Variants in FHOD3 observed in about 807,000 individuals in gnomAD.
FHOD3 encodes the protein FH1/FH2 domain-containing protein 3.
In FHOD3, 90 loss-of-function variants were observed where a neutral mutation model predicts 173.0. That is an observed-to-expected ratio of 0.52 (90% confidence interval 0.44 to 0.62). The LOEUF (loss-of-function observed/expected upper bound fraction) is 0.62, where lower values mean the gene tolerates loss of function less well. FHOD3 is among the 20% of genes least tolerant of loss of function. The pLI is 0.00. For synonymous variants in FHOD3, 828 were observed against 823.0 expected (o/e 1.01, Z -0.10); for missense variants, 1,945 against 2,034.7 (o/e 0.96, Z 0.85).
chr18:36,779,327 C>T, intron 28 of FHOD3, 121 bp from the exon 29 acceptor site: 1 of 841,074 alleles, frequency 1.2e-6, no homozygotes, highest in Admixed American at 2.0e-5. Context: ...TGTGAACCCT[C>T]TGGCTTCTCT....
At chr18:36,352,055 T>G (rs2046153279) in intron 1 of FHOD3, among the ~76,000 whole-genome samples, 1 of 152,166 alleles carries the variant, frequency 6.6e-6, no homozygotes, top group Non-Finnish European at 1.5e-5. Context: ...CTGGGTGACC[T>G]GCAAGACTGA....
chr18:36,361,194 C>T (rs1353249036), intron 2 of FHOD3, among the ~76,000 whole-genome samples: 2 of 152,020 alleles, frequency 1.3e-5, no homozygotes, highest in East Asian at 3.9e-4. Context: ...AAAGTGGAGG[C>T]CATCAAGTTC....
chr18:36,479,852 C>T (rs567750805), intron 3 of FHOD3, among the ~76,000 whole-genome samples: 12 of 152,222 alleles, frequency 7.9e-5, no homozygotes, highest in Non-Finnish European at 1.2e-4. Flanking sequence ...TGCCCTGCCA[C>T]GCATTTTCCC....
chr18:36,502,274 G>A (rs1015427649), intron 4 of FHOD3, among the ~76,000 whole-genome samples: 7 of 138,012 alleles, frequency 5.1e-5, no homozygotes, highest in African/African-American at 1.8e-4. Flanking sequence ...TATACTTTAA[G>A]TTCTGGGACA....
At chr18:36,335,356 G>A (rs1348345594) in intron 1 of FHOD3, among the ~76,000 whole-genome samples, 23 of 151,706 alleles carry the variant, frequency 1.5e-4, no homozygotes, top group Non-Finnish European at 2.7e-4. Flanking sequence ...TTAGCCGGGC[G>A]TGGTAGCGGG....
chr18:36,493,213 C>CTTTTTTT (rs60189688), intron 3 of FHOD3, among the ~76,000 whole-genome samples: 7 of 138,152 alleles, frequency 5.1e-5, no homozygotes, highest in Non-Finnish European at 7.8e-5. Context: ...TTTTCTTTTT[C>CTTTTTTT]TTTTTTTTTT....
chr18:36,679,725 A>G (rs1254504580), intron 14 of FHOD3, among the ~76,000 whole-genome samples: 1 of 151,900 alleles, frequency 6.6e-6, no homozygotes, highest in Admixed American at 6.6e-5. Context: ...TTTTCAATGC[A>G]GTTGCATTAT....
At chr18:36,660,898 G>A (rs537853952) in intron 14 of FHOD3, among the ~76,000 whole-genome samples, 237 of 152,318 alleles carry the variant, frequency 1.6e-3, no homozygotes, top group Non-Finnish European at 2.8e-3. Context: ...TGTTGCTGTA[G>A]GAACTTGGTT....
chr18:36,669,284 A>G (rs939857659), intron 14 of FHOD3, among the ~76,000 whole-genome samples: 4 of 151,856 alleles, frequency 2.6e-5, no homozygotes, highest in African/African-American at 9.7e-5. Context: ...TTTAAAAAAA[A>G]TAGTATTAAT....
chr18:36,680,478 A>T (rs527897890), intron 14 of FHOD3, among the ~76,000 whole-genome samples: 1 of 152,224 alleles, frequency 6.6e-6, no homozygotes, highest in Non-Finnish European at 1.5e-5. Flanking sequence ...GAAGGCCTCA[A>T]TTGTCCATAA....
chr18:36,700,885 G>A (rs2039548039), intron 17 of FHOD3, among the ~76,000 whole-genome samples: 1 of 152,270 alleles, frequency 6.6e-6, no homozygotes, highest in African/African-American at 2.4e-5. Flanking sequence ...TCCATTGGGT[G>A]CCCCCTGGAC....
At chr18:36,656,863 TTA>T (rs1449629463) in intron 13 of FHOD3, among the ~76,000 whole-genome samples, 3 of 152,234 alleles carry the variant, frequency 2.0e-5, no homozygotes, top group Non-Finnish European at 4.4e-5. Flanking sequence ...TAAGTAGTTT[TTA>T]GTTTTCTACC....
chr18:36,637,329 A>G (rs558074790), intron 10 of FHOD3, among the ~76,000 whole-genome samples: 17 of 152,144 alleles, frequency 1.1e-4, no homozygotes, highest in Non-Finnish European at 2.2e-4. Context: ...TCTGAGACAG[A>G]GTCTTGCTCT....
chr18:36,600,775 G>A (rs1270972316), intron 7 of FHOD3, among the ~76,000 whole-genome samples: 1 of 152,098 alleles, frequency 6.6e-6, no homozygotes, highest in Non-Finnish European at 1.5e-5. Context: ...GCTCCCTGAG[G>A]ACCTGTTTCG....
At chr18:36,684,075 T>A (rs2038437905) in intron 15 of FHOD3, among the ~76,000 whole-genome samples, 1 of 152,216 alleles carries the variant, frequency 6.6e-6, no homozygotes, top group South Asian at 2.1e-4. Context: ...CAAACCTACA[T>A]GGCATGCCAT....
chr18:36,523,975 T>G (rs1233281502), intron 5 of FHOD3, among the ~76,000 whole-genome samples: 1 of 152,112 alleles, frequency 6.6e-6, no homozygotes. Context: ...TGAACTATCT[T>G]TAGTCATTAA....
rs143350512 is a variant in FHOD3, at chr18:36,542,578, G to T, written c.511+30035G>T. 2.0e-3 allele frequency among the ~76,000 whole-genome samples: 306 copies of T among 152,144 alleles called. 1 individual carries two copies. The highest frequency in any genetic ancestry group is 7.1e-3 in the African/African-American group (293 of 41,512). On this transcript the variant is annotated intron_variant, in intron 5 of 28. Coordinates refer to ENST00000590592, the MANE Select transcript of FHOD3 (RefSeq NM_001281740.3). ...GTATTCTCTGAATTATCTTTTTATT[G>T]TTTCCCAAAATCAACTTGCTGAAAA...
At chr18:36,720,236 C>CT (rs35295640) in intron 19 of FHOD3, among the ~76,000 whole-genome samples, 4,065 of 119,142 alleles carry the variant, frequency 0.034, 192 homozygotes, top group African/African-American at 0.072. Context: ...CGTTCCAATT[C>CT]TTTTTTTTTT....
chr18:36,351,169 G>A (rs569074318), intron 1 of FHOD3, among the ~76,000 whole-genome samples: 2 of 152,270 alleles, frequency 1.3e-5, no homozygotes, highest in South Asian at 2.1e-4. Context: ...CTCCCAAAGG[G>A]CAGCCCCTCT....
Sources: allele counts gnomAD v4.1 joint callset (sites outside exome capture counted in the v4.1 genomes callset), GRCh38; gene constraint gnomAD v4.1.1; transcripts MANE v1.5; gene names NCBI Gene and HGNC (gene_info 2026-07-23, HGNC 2026-07-21).